C12orf42: variants seen among roughly 807,000 people sequenced by gnomAD.
C12orf42 encodes the protein chromosome 12 open reading frame 42.
In C12orf42, 25 loss-of-function variants were observed where a neutral mutation model predicts 21.6. The ratio of observed to expected loss-of-function variants is 1.16; its 90% CI spans 0.84 to 1.62. C12orf42 has a LOEUF of 1.62. Ranked by LOEUF, C12orf42 falls within the 40% of genes most tolerant of loss-of-function variation. The probability of loss-of-function intolerance (pLI) is 0.00; values close to 1 mark genes in which losing one functional copy is unlikely to be tolerated. For synonymous variants in C12orf42, 174 were observed against 175.0 expected (o/e 0.99, Z 0.05); for missense variants, 483 against 459.3 (o/e 1.05, Z -0.47).
chr12:103,176,018 C>T, the C12orf42 span, among the ~76,000 whole-genome samples: 1 of 152,088 alleles, frequency 6.6e-6, no homozygotes, highest in Non-Finnish European at 1.5e-5. Flanking sequence ...CTCCATATGC[C>T]AGAGCCCTGT....
At chr12:103,538,624 T>C in the C12orf42 span, among the ~76,000 whole-genome samples, 1 of 152,256 alleles carries the variant, frequency 6.6e-6, no homozygotes, top group Admixed American at 6.5e-5. Context: ...CTGTGAATCA[T>C]CCACTTGGGT....
At chr12:103,355,696 C>T (rs995601993) in intron 4 of C12orf42, among the ~76,000 whole-genome samples, 3 of 152,060 alleles carry the variant, frequency 2.0e-5, no homozygotes, top group African/African-American at 7.2e-5. Context: ...TCATTCCTCA[C>T]ATCTCAGCAC....
the C12orf42 span, among the ~76,000 whole-genome samples, chr12:103,115,023 T>G: frequency 6.6e-6 from 1 of 152,226 alleles, no homozygotes; most frequent in African/African-American, 2.4e-5. Context: ...TACACTGAAC[T>G]TCAGTCTCCC....
intron 1 of C12orf42, among the ~76,000 whole-genome samples, chr12:103,483,187 A>C (rs1170253582): frequency 6.6e-6 from 1 of 152,152 alleles, no homozygotes; most frequent in Non-Finnish European, 1.5e-5. Flanking sequence ...CCAAGCACCA[A>C]GAGTGAACTC....
intron 2 of C12orf42, among the ~76,000 whole-genome samples, chr12:103,414,167 T>C (rs947156934): frequency 6.6e-6 from 1 of 152,170 alleles, no homozygotes; most frequent in Admixed American, 6.5e-5. Flanking sequence ...ATTTTTTCAT[T>C]ATGGCCATTC....
At chr12:103,431,679 T>A (rs900685878) in intron 2 of C12orf42, among the ~76,000 whole-genome samples, 5 of 152,244 alleles carry the variant, frequency 3.3e-5, no homozygotes, top group African/African-American at 1.2e-4. Context: ...AAATAATCAC[T>A]GTATCATTAT....
At chr12:103,553,422 C>G in the C12orf42 span, among the ~76,000 whole-genome samples, 2,222 of 152,218 alleles carry the variant, frequency 0.015, 53 homozygotes, top group African/African-American at 0.05. Flanking sequence ...AAGGAAACAG[C>G]TTCTCTGAGC....
chr12:103,212,592 G>T, the C12orf42 span, among the ~76,000 whole-genome samples: 8 of 152,176 alleles, frequency 5.3e-5, no homozygotes, highest in African/African-American at 1.9e-4. Flanking sequence ...CCATCAGCAG[G>T]CACATGACAT....
chr12:103,467,870 G>T (rs1211023753), intron 2 of C12orf42, among the ~76,000 whole-genome samples: 1 of 151,950 alleles, frequency 6.6e-6, no homozygotes, highest in African/African-American at 2.4e-5. Flanking sequence ...GGGGTGGGAG[G>T]GCTTGTTTTT....
chr12:103,383,077 T>C (rs762856741), intron 3 of C12orf42, among the ~76,000 whole-genome samples: 17 of 152,134 alleles, frequency 1.1e-4, no homozygotes, highest in Non-Finnish European at 2.5e-4. Flanking sequence ...CCATGTTTCT[T>C]ATATGTATAA....
At chr12:103,340,480 A>G (rs2042068122) in intron 4 of C12orf42, among the ~76,000 whole-genome samples, 1 of 152,232 alleles carries the variant, frequency 6.6e-6, no homozygotes, top group South Asian at 2.1e-4. Context: ...AAAACTCTTA[A>G]AAGCAAAACC....
downstream of C12orf42, among the ~76,000 whole-genome samples, chr12:103,301,130 A>G (rs1593330960): frequency 6.6e-6 from 1 of 152,192 alleles, no homozygotes; most frequent in Admixed American, 6.5e-5. Flanking sequence ...TGGACTTGAG[A>G]CATTATGCTG....
At chr12:103,532,816 A>G in the C12orf42 span, among the ~76,000 whole-genome samples, 1 of 152,240 alleles carries the variant, frequency 6.6e-6, no homozygotes, top group Admixed American at 6.5e-5. Flanking sequence ...TGACCGCCGT[A>G]ACCATTACAG....
At chr12:103,326,809 C>T (rs953863397) in intron 4 of C12orf42, among the ~76,000 whole-genome samples, 1 of 152,160 alleles carries the variant, frequency 6.6e-6, no homozygotes, top group Non-Finnish European at 1.5e-5. Context: ...TCCTGATTTA[C>T]TTTTATTCAT....
chr12:103,330,409 T>C (rs1024291865), intron 4 of C12orf42, among the ~76,000 whole-genome samples: 12 of 152,206 alleles, frequency 7.9e-5, no homozygotes, highest in African/African-American at 2.2e-4. Flanking sequence ...CAGCGGTACA[T>C]ACGGAATTCT....
the C12orf42 span, among the ~76,000 whole-genome samples, chr12:103,147,816 T>C: frequency 0.29 from 44,625 of 151,508 alleles, 7,635 homozygotes; most frequent in African/African-American, 0.46. Context: ...AAGAACAAAA[T>C]GCCCAGAAAC....
the C12orf42 span, among the ~76,000 whole-genome samples, chr12:103,555,662 C>T: frequency 6.6e-6 from 1 of 152,070 alleles, no homozygotes; most frequent in East Asian, 1.9e-4. Flanking sequence ...TCAGGCGCCA[C>T]CCTAGACCTA....
chr12:103,053,016 G>C, the C12orf42 span, among the ~76,000 whole-genome samples: 4 of 151,942 alleles, frequency 2.6e-5, no homozygotes, highest in African/African-American at 9.6e-5. Context: ...CTTATTTGCC[G>C]ATGCCACAAT....
Position 103,401,630 on chromosome 12 carries a change from C to T in C12orf42, c.124G>A (p.Asp42Asn). 3 of 1,613,934 alleles carry T rather than the reference C, an allele frequency of 1.9e-6. No homozygotes were observed. In the South Asian group the frequency reaches 3.3e-5, roughly 18 times the overall value. Reference sequence around the variant, plus strand: ...ACCTTTGCACTGGGTGTGCTTCTATCCCACAGGGTGGCACTGCTCACAATG... The same window carrying T: ...ACCTTTGCACTGGGTGTGCTTCTATTCCACAGGGTGGCACTGCTCACAATG... ...IPIVSSATLWDRSTPSAKHIP... is the reference protein window; with the variant it reads ...IPIVSSATLWNRSTPSAKHIP... Residue 42 changes from aspartate to asparagine, a missense_variant, in exon 3 of 6, where the codon GAT (aspartate) becomes AAT (asparagine). Transcript: ENST00000548883.
Sources: gnomAD v4.1 joint callset for allele counts (sites outside exome capture counted in the v4.1 genomes callset) on GRCh38, gnomAD v4.1.1 for gene constraint, MANE v1.5 for transcripts, NCBI Gene and HGNC (gene_info 2026-07-23, HGNC 2026-07-21) for gene names.